Variants in PTBP1 observed in about 807,000 individuals in gnomAD.
PTBP1 encodes the protein polypyrimidine tract-binding protein 1.
PTBP1 carries 8 observed loss-of-function variants against 59.8 expected under a neutral mutation model. The ratio of observed to expected loss-of-function variants is 0.13; its 90% CI spans 0.08 to 0.24. PTBP1 has a LOEUF of 0.24. Ranked by LOEUF, PTBP1 falls within the 10% of genes least tolerant of loss-of-function variation. PTBP1 has a pLI of 1.00. For missense variants in PTBP1, 686 were observed against 767.0 expected, an observed-to-expected ratio of 0.89 and a Z score of 1.25; for synonymous variants, 490 against 320.7, an observed-to-expected ratio of 1.53 and a Z score of -5.64.
intron 9 of PTBP1, 174 bp downstream of exon 9, chr19:805,743 G>A (rs1343919810): frequency 1.6e-6 from 1 of 635,550 alleles, no homozygotes; most frequent in Non-Finnish European, 2.8e-6. Context: ...CCAGGGCAGT[G>A]GTAGGACAGG....
intron 10 of PTBP1, 93 bp downstream of exon 10, chr19:806,649 C>T (rs1171720032): frequency 7.9e-6 from 10 of 1,262,600 alleles, no homozygotes; most frequent in Non-Finnish European, 1.1e-5. Flanking sequence ...AGCGCCGCCC[C>T]TCGCTGTGTC....
chr19:806,632 C>G, intron 10 of PTBP1, 76 bp downstream of exon 10: 1 of 1,382,552 alleles, frequency 7.2e-7, no homozygotes, highest in Non-Finnish European at 9.5e-7. Context: ...GGCTCGGGTC[C>G]CGGAGCAGCG....
At position 808,819 on chromosome 19, in the gene PTBP1, C is replaced by G; in HGVS notation, c.1463+57C>G. 6.6e-7 allele frequency: 1 copy of G among 1,514,980 alleles called. No homozygotes were observed. The highest frequency in any genetic ancestry group is 9.0e-7 in the Non-Finnish European group (1 of 1,109,632). 93.8% of individuals were successfully genotyped at this position (1,514,980 alleles called of 1,614,324 possible). On this transcript the variant is annotated intron_variant, in intron 13 of 14. Transcript: ENST00000356948. The surrounding 1 kb of genome is among the most constrained non-coding windows in gnomAD (Gnocchi z 4.7). ...GGGGGCGGGCAAGGGCTCTGCTTGG[C>G]TGTCCTACCGCGTCGGTGTGTGGAC...
Position 804,069 on chromosome 19 carries a change from A to T in PTBP1, c.149A>T (p.Asp50Val). 6.2e-7 allele frequency: 1 copy of T among 1,614,032 alleles called. No individual in the cohort carries two copies. Among genetic ancestry groups the T allele is most frequent in the East Asian group, 2.2e-5 (1 of 44,880 alleles). ...NGNDSKKFKG[D>V]SRSAGVPSRV... ...AATGACAGCAAGAAGTTCAAAGGTG[A>T]CAGCCGAAGTGCAGGCGTCCCCTCT... The change falls in exon 4 of 15, where the codon GAC (aspartate) becomes GTC (valine). Residue 50 changes from aspartate (D) to valine (V), a missense_variant. Physicochemically the swap from Asp to Val is radical, Grantham distance 152. Coordinates refer to ENST00000356948, the MANE Select transcript of PTBP1 (RefSeq NM_002819.5).
chr19:803,722 C>A, intron 3 of PTBP1, 86 bp downstream of exon 3: 1 of 1,218,328 alleles, frequency 8.2e-7, no homozygotes, highest in South Asian at 1.3e-5. Flanking sequence ...ACTCTACTTT[C>A]CATCTCCAAC....
rs11925 is a variant in PTBP1, at chr19:811,842, C to A, written c.*1016C>A. On this transcript the variant is annotated 3_prime_UTR_variant, in exon 15 of 15. Transcript: ENST00000356948. Reference sequence around the variant, plus strand: ...TTGCTCTCAAACTTCAGGGTTTTTTCTTCCTTCAAATTTTGGACCAAAGTC... The same window carrying A: ...TTGCTCTCAAACTTCAGGGTTTTTTATTCCTTCAAATTTTGGACCAAAGTC... 3 of 152,396 alleles carry A rather than the reference C, an allele frequency of 2.0e-5. No homozygotes were observed. Among genetic ancestry groups the A allele is most frequent in the South Asian group, 4.1e-4 (2 of 4,828 alleles). The allele number at this position is 152,396 out of a possible 1,614,324, so 9.4% of individuals were successfully genotyped here.
rs748485351 is a variant in PTBP1, at chr19:803,605, G to A, written c.84G>A (p.Pro28=). The part of the protein sequence containing the change: ...ELFSTCVTNG[P]FIMSSNSASA... ...TCTCTACTTGTGTCACTAACGGACC[G>A]TTTATCATGAGCAGCAACTCGGCTT... Residue 28 remains proline, a synonymous_variant, in exon 3 of 15, where the codon CCG becomes CCA. Transcript: ENST00000356948. 24 of 1,614,036 alleles carry A rather than the reference G, an allele frequency of 1.5e-5. No individual in the cohort carries two copies. The highest frequency in any genetic ancestry group is 1.6e-4 in the Middle Eastern group (1 of 6,084).
rs763725211 is a variant in PTBP1 at position 799,300 on chromosome 19, G to A, written c.9-113G>A. On this transcript the variant is annotated intron_variant, in intron 1 of 14. Transcript: ENST00000356948. ...GCCTCGTGCAGCCAGAGGGAGCCCT[G>A]CGGAGGTGGCAGCTGCAGGGACCTA... The A allele has an allele frequency of 6.3e-6, 6 of 949,636 alleles. No homozygotes were observed. In the East Asian group the frequency reaches 1.4e-4, roughly 23 times the overall value. The allele number at this position is 949,636 out of a possible 1,614,324, so 58.8% of individuals were successfully genotyped here.
chr19:804,618 G>A lies in PTBP1; in HGVS notation c.522G>A (p.Gly174=), dbSNP rs769826830. 3 of 1,612,542 alleles carry A rather than the reference G, an allele frequency of 1.9e-6. No individual in the cohort carries two copies. The highest frequency in any genetic ancestry group is 2.7e-5 in the African/African-American group (2 of 74,934). Residue 174 remains glycine, a synonymous_variant, in exon 6 of 15, where the codon GGG becomes GGA. Transcript: ENST00000356948. ...CCTCGGCGGCGGCCGTGGACGCAGG[G>A]ATGGCGATGGCCGGGCAGAGCCCCG... ...LAASAAAVDA[G]MAMAGQSPVL...
At position 804,683 on chromosome 19, in the gene PTBP1, C is replaced by T; in HGVS notation, c.587C>T (p.Thr196Ile). 1 of 1,612,708 alleles carries T rather than the reference C, an allele frequency of 6.2e-7. No individual in the cohort carries two copies. The change falls in exon 6 of 15, where the codon ACC becomes ATC. Residue 196 changes from threonine (T) to isoleucine (I), a missense_variant. Thr to Ile is a moderately conservative substitution (Grantham distance 89). Transcript: ENST00000356948. ...IIVENLFYPVTLDVLHQIFSK... is the reference protein window; with the variant it reads ...IIVENLFYPVILDVLHQIFSK... ...GTGGAGAACCTCTTCTACCCTGTGA[C>T]CCTGGATGTGCTGCACCAGGTGAGG...
intron 10 of PTBP1, 169 bp downstream of exon 10, chr19:806,725 G>T: frequency 1.8e-6 from 1 of 557,228 alleles, no homozygotes. Context: ...GATGGCTTGA[G>T]TTTTCCTCTT....
intron 2 of PTBP1, among the ~76,000 whole-genome samples, chr19:802,016 AT>A (rs2034358150): frequency 6.6e-6 from 1 of 152,144 alleles, no homozygotes; most frequent in Non-Finnish European, 1.5e-5. Context: ...AACAGGTGCC[AT>A]TTGGGTGGGC....
At chr19:802,996 AGAGAC>A (rs1314170228) in intron 2 of PTBP1, among the ~76,000 whole-genome samples, 1 of 152,328 alleles carries the variant, frequency 6.6e-6, no homozygotes, top group Admixed American at 6.5e-5. Flanking sequence ...TCGCGTGTGC[AGAGAC>A]GGAGGTCGGG....
At position 810,899 on chromosome 19, in the gene PTBP1, A is replaced by G. The variant is rs112403800; in HGVS notation, c.*73A>G. 4 of 1,388,298 alleles carry G rather than the reference A, an allele frequency of 2.9e-6. No individual in the cohort carries two copies. Among genetic ancestry groups the G allele is most frequent in the Non-Finnish European group, 3.8e-6 (4 of 1,043,828 alleles). 86.0% of individuals were successfully genotyped at this position (1,388,298 alleles called of 1,614,324 possible). On this transcript the variant is annotated 3_prime_UTR_variant, in exon 15 of 15. Coordinates refer to ENST00000356948, the MANE Select transcript of PTBP1 (RefSeq NM_002819.5). The stretch of plus-strand genomic sequence containing the variant: ...TCCAGAGAAAAGCCACTTTAAAAAC[A>G]GCTGAAGTGACCTTAGCAGACCAGA...
At position 808,258 on chromosome 19, in the gene PTBP1, G is replaced by A. The variant is rs887309699; in HGVS notation, c.1154-102G>A. ...AGTGGCCGATAAAGCAAACCCGGCC[G>A]GGCTGAGCCGGGCCTTGTGGGGGTG... On this transcript the variant is annotated intron_variant, in intron 11 of 14. Coordinates refer to ENST00000356948, the MANE Select transcript of PTBP1 (RefSeq NM_002819.5). The surrounding 1 kb of genome is among the most constrained non-coding windows in gnomAD (Gnocchi z 4.7). 5.6e-5 allele frequency: 56 copies of A among 998,746 alleles called. No homozygotes were observed. In the East Asian group the frequency reaches 1.2e-3, roughly 22 times the overall value. 61.9% of individuals were successfully genotyped at this position (998,746 alleles called of 1,614,324 possible).
rs149736995 is a variant in PTBP1 at position 808,730 on chromosome 19, G to A, written c.1431G>A (p.Pro477=). ...PGSKNFQNIF[P]PSATLHLSNI... is the part of the protein sequence containing the mutation. ...CCAAGAACTTCCAGAACATATTCCC[G>A]CCCTCGGCCACGCTGCACCTCTCCA... is the stretch of plus-strand genomic sequence containing the variant. Residue 477 remains proline (P), a synonymous_variant, in exon 13 of 15, where the codon CCG becomes CCA. Transcript: ENST00000356948. This position sits in a 1 kb window ranked among gnomAD's most constrained non-coding sequence, Gnocchi z 4.7. 5.2e-4 allele frequency: 833 copies of A among 1,612,764 alleles called. 5 individuals carry two copies. In the East Asian group the frequency reaches 0.011, roughly 21 times the overall value.
At position 811,502 on chromosome 19, in the gene PTBP1, T is replaced by C. The variant is rs553114905; in HGVS notation, c.*676T>C. The C allele has an allele frequency of 3.9e-5, 6 of 152,574 alleles. No homozygotes were observed. In the East Asian group the frequency reaches 1.2e-3, roughly 29 times the overall value. 9.5% of individuals were successfully genotyped at this position (152,574 alleles called of 1,614,324 possible). ...TCCAGTTGACCAAATATTCTAATCT[T>C]TTTTCATTTATATGCAAAAGAAATA... On this transcript the variant is annotated 3_prime_UTR_variant, in exon 15 of 15. Transcript: ENST00000356948.
chr19:803,742 C>T (rs2034439352), intron 3 of PTBP1, 106 bp downstream of exon 3: 3 of 1,049,848 alleles, frequency 2.9e-6, no homozygotes, highest in African/African-American at 3.2e-5. Flanking sequence ...CTGCAGGGGC[C>T]CATGGTCCAC....
chr19:810,073 G>C (rs764686632), intron 13 of PTBP1, among the ~76,000 whole-genome samples: 1 of 152,158 alleles, frequency 6.6e-6, no homozygotes, highest in Non-Finnish European at 1.5e-5. Context: ...TTAGGAGGCC[G>C]AGGCAGGCAG....
Sources: allele counts gnomAD v4.1 joint callset (sites outside exome capture counted in the v4.1 genomes callset), GRCh38; gene constraint gnomAD v4.1.1; non-coding constraint Gnocchi (gnomAD v3.1); transcripts MANE v1.5; gene names NCBI Gene and HGNC (gene_info 2026-07-23, HGNC 2026-07-21).